DAG1: variants seen among roughly 807,000 people sequenced by gnomAD.
DAG1 encodes the protein dystroglycan 1 (dystrophin-associated glycoprotein 1).
DAG1 carries 8 observed loss-of-function variants against 46.1 expected under a neutral mutation model. The ratio of observed to expected loss-of-function variants is 0.17; its 90% CI spans 0.10 to 0.31. The LOEUF (loss-of-function observed/expected upper bound fraction) is 0.31. Ranked by LOEUF, DAG1 falls within the 10% of genes least tolerant of loss-of-function variation. DAG1 has a pLI of 1.00. For synonymous variants in DAG1, 495 were observed against 481.8 expected, an observed-to-expected ratio of 1.03 and a Z score of -0.36; for missense variants, 1,003 against 1,189.9, an observed-to-expected ratio of 0.84 and a Z score of 2.31.
chr3:49,476,591 G>A (rs1054631546), intron 1 of DAG1, among the ~76,000 whole-genome samples: 1 of 152,088 alleles, frequency 6.6e-6, no homozygotes, highest in African/African-American at 2.4e-5. Context: ...ATACCTTTTT[G>A]AGCTAATCGT....
intron 2 of DAG1, among the ~76,000 whole-genome samples, chr3:49,513,916 C>T (rs925675053): frequency 6.6e-6 from 1 of 152,116 alleles, no homozygotes; most frequent in Non-Finnish European, 1.5e-5. Flanking sequence ...GTTCCAGTAG[C>T]CATTGGAATG....
chr3:49,475,064 G>A (rs568410377), intron 1 of DAG1, among the ~76,000 whole-genome samples: 4 of 150,946 alleles, frequency 2.6e-5, no homozygotes, highest in East Asian at 3.9e-4. Context: ...TGCCTGCCTC[G>A]GCCTCCCGAA....
At position 49,532,091 on chromosome 3, in the gene DAG1, A is replaced by G. The variant is rs1317828993; in HGVS notation, c.1580A>G (p.Glu527Gly). ...CCGTCAGACACTTTCTATGACCATG[A>G]GGACACCACCACTGACAAGCTGAAG... is the stretch of plus-strand genomic sequence containing the variant. ...KIPSDTFYDH[E>G]DTTTDKLKLT... Residue 527 changes from glutamate (E) to glycine (G), a missense_variant, in exon 3 of 3, where the codon GAG becomes GGG. This residue lies in a region of DAG1 where 755 missense variants were observed against 854.1 expected (regional missense o/e 0.88). Transcript: ENST00000308775. The surrounding 1 kb of genome is among the most constrained non-coding windows in gnomAD (Gnocchi z 5.4). 6.2e-7 allele frequency: 1 copy of G among 1,614,178 alleles called. No homozygotes were observed. The highest frequency in any genetic ancestry group is 2.2e-5 in the East Asian group (1 of 44,880).
intron 1 of DAG1, among the ~76,000 whole-genome samples, chr3:49,495,848 AG>A (rs2050296204): frequency 6.6e-6 from 1 of 152,076 alleles, no homozygotes; most frequent in African/African-American, 2.4e-5. Context: ...TGAACCCGGA[AG>A]GCAGAGTTTG....
intron 1 of DAG1, among the ~76,000 whole-genome samples, chr3:49,508,615 G>A (rs751498721): frequency 1.1e-4 from 16 of 152,194 alleles, no homozygotes; most frequent in Non-Finnish European, 2.1e-4. Flanking sequence ...GGCCAGGCTG[G>A]TCTTGAACTC....
At position 49,533,572 on chromosome 3, in the gene DAG1, C is replaced by A; in HGVS notation, c.*373C>A. 1 of 429,346 alleles carries A rather than the reference C, an allele frequency of 2.3e-6. No homozygotes were observed. The highest frequency in any genetic ancestry group is 2.0e-5 in the South Asian group (1 of 50,314). 26.6% of individuals were successfully genotyped at this position (429,346 alleles called of 1,614,324 possible). On this transcript the variant is annotated 3_prime_UTR_variant, in exon 3 of 3. Transcript: ENST00000308775. Reference sequence around the variant, plus strand: ...CGGCCCCCTGGCTCTCTGCGTTTTGCCTTTAACACTAACTGTACTGTTTTT... The same window carrying A: ...CGGCCCCCTGGCTCTCTGCGTTTTGACTTTAACACTAACTGTACTGTTTTT...
intron 1 of DAG1, among the ~76,000 whole-genome samples, chr3:49,483,141 A>G (rs1009753597): frequency 6.6e-6 from 1 of 151,866 alleles, no homozygotes; most frequent in African/African-American, 2.4e-5. Context: ...TTTCCATAAA[A>G]CATGCATGTG....
intron 2 of DAG1, among the ~76,000 whole-genome samples, chr3:49,517,327 T>G (rs904338547): frequency 1.3e-5 from 2 of 152,126 alleles, no homozygotes; most frequent in Non-Finnish European, 2.9e-5. Flanking sequence ...GTATATAAGG[T>G]CTTATCTTCA....
At chr3:49,470,996 T>C (rs1318454090) in intron 1 of DAG1, 1 of 152,248 alleles carries the variant, frequency 6.6e-6, no homozygotes, top group African/African-American at 2.4e-5. Context: ...ATTTGGATAG[T>C]GTCTCCACAG....
chr3:49,532,683 C>T lies in DAG1; in HGVS notation c.2172C>T (p.Pro724=). ...RHLQFIPVVP[P]RRVPSEAPPT... is the part of the protein sequence containing the mutation. ...TACAGTTTATCCCTGTGGTACCACC[C>T]AGGAGAGTGCCCTCAGAGGCGCCGC... Residue 724 remains proline, a synonymous_variant, in exon 3 of 3, where the codon CCC becomes CCT. Transcript: ENST00000308775. This position sits in a 1 kb window ranked among gnomAD's most constrained non-coding sequence, Gnocchi z 5.4. 1 of 1,614,200 alleles carries T rather than the reference C, an allele frequency of 6.2e-7. No individual in the cohort carries two copies. The highest frequency in any genetic ancestry group is 2.2e-5 in the East Asian group (1 of 44,890).
intron 1 of DAG1, among the ~76,000 whole-genome samples, chr3:49,495,389 A>G (rs1420721685): frequency 6.6e-6 from 1 of 152,254 alleles, no homozygotes; most frequent in Non-Finnish European, 1.5e-5. Context: ...GACTGCATCT[A>G]TAGCAAATAA....
intron 1 of DAG1, among the ~76,000 whole-genome samples, chr3:49,478,538 T>TTTA (rs1553642853): frequency 1.3e-4 from 18 of 134,330 alleles, no homozygotes; most frequent in South Asian, 4.5e-4. Flanking sequence ...TTTTTTTTTT[T>TTTA]TTTTTTTTTT....
chr3:49,483,645 C>T (rs1250255931), intron 1 of DAG1, among the ~76,000 whole-genome samples: 1 of 151,900 alleles, frequency 6.6e-6, no homozygotes, highest in Non-Finnish European at 1.5e-5. Context: ...TAAGTTCTAC[C>T]TCTTATGTGA....
intron 2 of DAG1, among the ~76,000 whole-genome samples, chr3:49,522,973 T>C (rs2051074821): frequency 6.6e-6 from 1 of 152,202 alleles, no homozygotes; most frequent in African/African-American, 2.4e-5. Flanking sequence ...TGTTGGTGTT[T>C]GGTGTTGGCT....
chr3:49,506,049 G>A (rs1229446758), intron 1 of DAG1, among the ~76,000 whole-genome samples: 1 of 147,610 alleles, frequency 6.8e-6, no homozygotes, highest in African/African-American at 2.5e-5. Flanking sequence ...GCTTGATCTC[G>A]GCTCACTACA....
Position 49,531,832 on chromosome 3 carries a change from TCCA to T in DAG1, c.1332_1334del (p.Thr446del), listed in dbSNP as rs778752288. 83 of 1,610,844 alleles carry T rather than the reference TCCA, an allele frequency of 5.2e-5. No homozygotes were observed. Among genetic ancestry groups the T allele is most frequent in the Non-Finnish European group, 6.8e-5 (80 of 1,179,336 alleles). On this transcript the variant is annotated inframe_deletion, in exon 3 of 3. Coordinates refer to ENST00000308775, the MANE Select transcript of DAG1 (RefSeq NM_004393.6). The surrounding 1 kb of genome is among the most constrained non-coding windows in gnomAD (Gnocchi z 7.0). ...AAAACCAGCAACGCCTTCAACTGAC[TCCA>T]CCACCACCACGACTCGCAGGCCAAC...
rs376218391 is a variant in DAG1 at position 49,477,822 on chromosome 3, C to T, written c.-117+7389C>T. ...GATAAAAATACAAAAATTAGCTGGG[C>T]GTGGTGGCAGGTGCCTGTAATCCCA... On this transcript the variant is annotated intron_variant, in intron 1 of 2. Transcript: ENST00000308775. Among the ~76,000 whole-genome samples the T allele has an allele frequency of 1.2e-4, 18 of 151,894 alleles. No individual in the cohort carries two copies. In the East Asian group the frequency reaches 2.5e-3, roughly 21 times the overall value.
chr3:49,514,908 G>T (rs1225371578), intron 2 of DAG1, among the ~76,000 whole-genome samples: 1 of 151,852 alleles, frequency 6.6e-6, no homozygotes, highest in Admixed American at 6.6e-5. Context: ...CGTCCAGGCT[G>T]GAATGCAGTG....
intron 1 of DAG1, among the ~76,000 whole-genome samples, chr3:49,506,484 GT>G (rs2050610186): frequency 6.6e-6 from 1 of 152,126 alleles, no homozygotes; most frequent in Non-Finnish European, 1.5e-5. Context: ...GTTCCTATTT[GT>G]CTGAGAGTTT....
Sources: gnomAD v4.1 joint callset for allele counts (sites outside exome capture counted in the v4.1 genomes callset) on GRCh38, gnomAD v4.1.1 for gene constraint, gnomAD v4.1.1 regional missense constraint, Gnocchi (gnomAD v3.1) non-coding constraint, MANE v1.5 for transcripts, NCBI Gene and HGNC (gene_info 2026-07-23, HGNC 2026-07-21) for gene names.